The following CENPF variants were observed in gnomAD, a reference collection of about 807,000 sequenced individuals.
The protein encoded by CENPF is centromere protein F.
CENPF carries 214 observed loss-of-function variants against 307.3 expected under a neutral mutation model. That is an observed-to-expected ratio of 0.70 (90% CI 0.62 to 0.78). The LOEUF (loss-of-function observed/expected upper bound fraction) is 0.78, where lower values mean the gene tolerates loss of function less well. CENPF is among the 30% of genes least tolerant of loss of function. CENPF has a pLI of 0.00. For missense variants in CENPF, 3,401 were observed against 3,483.9 expected, an observed-to-expected ratio of 0.98 and a Z score of 0.60; for synonymous variants, 1,259 against 1,270.6, an observed-to-expected ratio of 0.99 and a Z score of 0.19.
rs1490042869 is a variant in CENPF at position 214,641,871 on chromosome 1, TGAAA to T, written c.3540_3543del (p.Glu1182ValfsTer21). On this transcript the variant is annotated frameshift_variant, in exon 12 of 20. Coordinates refer to ENST00000366955, the MANE Select transcript of CENPF (RefSeq NM_016343.4). LOFTEE classifies it high-confidence loss of function. ...GAATCAGAACCAATTAGGAACTCTG[TGAAA>T]GAAAGAGAGAGTGAGAGAAATCAAT... The T allele has an allele frequency of 5.6e-6, 9 of 1,602,934 alleles. No homozygotes were observed. The highest frequency in any genetic ancestry group is 1.8e-5 in the Admixed American group (1 of 56,996).
intron 7 of CENPF, among the ~76,000 whole-genome samples, chr1:214,628,766 T>C (rs1363849949): frequency 1.3e-5 from 2 of 152,260 alleles, no homozygotes; most frequent in Non-Finnish European, 2.9e-5. Context: ...CTGATGATTT[T>C]ACAGCTTTTA....
Position 214,641,144 on chromosome 1 carries a change from C to G in CENPF, c.2806C>G (p.Leu936Val). Residue 936 changes from leucine to valine, a missense_variant, in exon 12 of 20, where the codon CTA becomes GTA. Coordinates refer to ENST00000366955, the MANE Select transcript of CENPF (RefSeq NM_016343.4). ...EIQELKKSNH[L>V]LEDSLKELQL... ...TCAAGAATTAAAAAAGAGCAACCAT[C>G]TACTTGAAGACTCTCTAAAGGAGCT... The G allele has an allele frequency of 6.3e-7, 1 of 1,586,054 alleles. No homozygotes were observed. The highest frequency in any genetic ancestry group is 8.5e-7 in the Non-Finnish European group (1 of 1,173,224).
At chr1:214,657,799 C>G (rs1658681327) in intron 18 of CENPF, among the ~76,000 whole-genome samples, 1 of 152,204 alleles carries the variant, frequency 6.6e-6, no homozygotes, top group Non-Finnish European at 1.5e-5. Flanking sequence ...CCACTGACTA[C>G]ACTTTGTTTT....
intron 1 of CENPF, among the ~76,000 whole-genome samples, chr1:214,609,540 A>G (rs1303584984): frequency 6.6e-6 from 1 of 152,284 alleles, no homozygotes; most frequent in Non-Finnish European, 1.5e-5. Flanking sequence ...TTCTTTGTTT[A>G]TAGGACCTAT....
In CENPF at chr1:214,614,858, A is replaced by C; in HGVS notation, c.189A>C (p.Thr63=). Reference sequence around the variant, plus strand: ...TTGAAAATGAAAAAACCGAGGGTACAAACCTGAAAAGGGAGAATCAAAGAT... The same window carrying C: ...TTGAAAATGAAAAAACCGAGGGTACCAACCTGAAAAGGGAGAATCAAAGAT... ...QKVENEKTEG[T]NLKRENQRLM... is the part of the protein sequence containing the mutation. Residue 63 remains threonine (T), a synonymous_variant, in exon 3 of 20, where the codon ACA becomes ACC. Transcript: ENST00000366955. 6.3e-7 allele frequency: 1 copy of C among 1,599,096 alleles called. No homozygotes were observed. Among genetic ancestry groups the C allele is most frequent in the Non-Finnish European group, 8.5e-7 (1 of 1,175,076 alleles).
At chr1:214,613,982 A>AAACT in intron 2 of CENPF, 66 bp downstream of exon 2, 5 of 1,377,602 alleles carry the variant, frequency 3.6e-6, no homozygotes, top group Non-Finnish European at 4.9e-6. Context: ...CTGGTATTTA[A>AAACT]AACTGTTCAC....
intron 6 of CENPF, 46 bp from the exon 7 acceptor site, chr1:214,622,033 G>A: frequency 7.0e-7 from 1 of 1,432,502 alleles, no homozygotes; most frequent in South Asian, 1.3e-5. Context: ...AACATTTTGG[G>A]AAAGATATAT....
At chr1:214,654,574 A>G (rs1335450050) in intron 16 of CENPF, among the ~76,000 whole-genome samples, 3 of 152,200 alleles carry the variant, frequency 2.0e-5, no homozygotes, top group Non-Finnish European at 2.9e-5. Flanking sequence ...CTTAAAAATA[A>G]GTAAATTAAT....
chr1:214,654,910 C>A (rs1318636507), intron 16 of CENPF, among the ~76,000 whole-genome samples: 2 of 152,172 alleles, frequency 1.3e-5, no homozygotes, highest in Non-Finnish European at 2.9e-5. Context: ...TTTGGACTCA[C>A]CAAGAATATG....
chr1:214,609,247 T>C (rs1657136139), intron 1 of CENPF, among the ~76,000 whole-genome samples: 1 of 152,210 alleles, frequency 6.6e-6, no homozygotes, highest in Non-Finnish European at 1.5e-5. Context: ...GTATATGTCT[T>C]TCCTGGTCAG....
At chr1:214,634,346 G>A (rs754237267) in intron 10 of CENPF, among the ~76,000 whole-genome samples, 8 of 152,184 alleles carry the variant, frequency 5.3e-5, no homozygotes, top group Non-Finnish European at 5.9e-5. Context: ...ATTGGGATTG[G>A]GACCAGATAA....
At position 214,640,918 on chromosome 1, in the gene CENPF, A is replaced by G. The variant is rs1463456103; in HGVS notation, c.2580A>G (p.Lys860=). The G allele has an allele frequency of 6.2e-7, 1 of 1,607,962 alleles. No homozygotes were observed. Among genetic ancestry groups the G allele is most frequent in the South Asian group, 1.1e-5 (1 of 89,248 alleles). ...QKQCEELVQI[K]GEIEENLMKA... is the part of the protein sequence containing the mutation. ...AGTGTGAAGAGTTGGTGCAAATCAA[A>G]GGAGAAATAGAAGAAAATCTCATGA... is the stretch of plus-strand genomic sequence containing the variant. Residue 860 remains lysine (K), a synonymous_variant, in exon 12 of 20, where the codon AAA becomes AAG. Transcript: ENST00000366955.
chr1:214,615,540 G>C (rs1657313622), intron 3 of CENPF, among the ~76,000 whole-genome samples: 1 of 152,108 alleles, frequency 6.6e-6, no homozygotes, highest in Non-Finnish European at 1.5e-5. Flanking sequence ...ATGAGAGGGA[G>C]AACTAGGGAA....
chr1:214,657,976 A>C (rs1658685871), intron 18 of CENPF, among the ~76,000 whole-genome samples: 1 of 151,126 alleles, frequency 6.6e-6, no homozygotes, highest in Non-Finnish European at 1.5e-5. Flanking sequence ...ACATCCAAGC[A>C]CATATCATGT....
In CENPF at chr1:214,641,445, A is replaced by T. The variant is rs1156906026; in HGVS notation, c.3107A>T (p.Tyr1036Phe). The change falls in exon 12 of 20, where the codon TAT (tyrosine) becomes TTT (phenylalanine). Residue 1036 changes from tyrosine (Y) to phenylalanine (F), a missense_variant. Tyr to Phe is a conservative substitution (Grantham distance 22). Coordinates refer to ENST00000366955, the MANE Select transcript of CENPF (RefSeq NM_016343.4). The part of the protein sequence containing the change: ...LQRCEETGNA[Y>F]EDLSQKYKAA... ...AGATGTGAAGAAACCGGAAATGCATATGAGGATCTTAGTCAAAAATACAAA... is the reference window on the plus strand; with the variant it reads ...AGATGTGAAGAAACCGGAAATGCATTTGAGGATCTTAGTCAAAAATACAAA... The T allele has an allele frequency of 5.1e-6, 8 of 1,554,798 alleles. No homozygotes were observed. The highest frequency in any genetic ancestry group is 1.7e-4 in the Middle Eastern group (1 of 5,780).
chr1:214,619,007 T>C (rs1397119865), intron 4 of CENPF, 122 bp from the exon 5 acceptor site: 5 of 603,906 alleles, frequency 8.3e-6, no homozygotes, highest in African/African-American at 1.9e-5. Context: ...TCTATTTCCC[T>C]AACCAAAATG....
Position 214,640,885 on chromosome 1 carries a change from G to A in CENPF, c.2547G>A (p.Leu849=). The change falls in exon 12 of 20, where the codon CTG becomes CTA. Residue 849 remains leucine (L), a synonymous_variant. Transcript: ENST00000366955. ...CTCAAAAACAGATGAACTCAGACCTGCAAAAGCAGTGTGAAGAGTTGGTGC... is the reference window on the plus strand; with the variant it reads ...CTCAAAAACAGATGAACTCAGACCTACAAAAGCAGTGTGAAGAGTTGGTGC... ...LESQKQMNSD[L]QKQCEELVQI... is the part of the protein sequence containing the mutation. 8 of 1,605,122 alleles carry A rather than the reference G, an allele frequency of 5.0e-6. No homozygotes were observed. The highest frequency in any genetic ancestry group is 6.8e-6 in the Non-Finnish European group (8 of 1,177,734).
intron 3 of CENPF, 103 bp from the exon 4 acceptor site, chr1:214,618,470 G>T: frequency 1.5e-6 from 2 of 1,322,330 alleles, no homozygotes; most frequent in Non-Finnish European, 1.0e-6. Flanking sequence ...CTTAGTGGAT[G>T]GGTTTCTTTG....
chr1:214,625,160 C>T (rs766718534), intron 7 of CENPF, among the ~76,000 whole-genome samples: 4 of 152,032 alleles, frequency 2.6e-5, no homozygotes, highest in Admixed American at 6.6e-5. Context: ...TATATTGAGG[C>T]GACTTTCGTG....
Sources: allele counts gnomAD v4.1 joint callset (sites outside exome capture counted in the v4.1 genomes callset), GRCh38; gene constraint gnomAD v4.1.1; transcripts MANE v1.5; gene names NCBI Gene and HGNC (gene_info 2026-07-23, HGNC 2026-07-21).